Variants in CLIC5 observed in about 807,000 individuals in gnomAD.
CLIC5 encodes the protein chloride intracellular channel protein 5.
In CLIC5, 20 loss-of-function variants were observed where a neutral mutation model predicts 24.7. The ratio of observed to expected loss-of-function variants is 0.81; its 90% CI spans 0.57 to 1.18. The LOEUF is 1.18. CLIC5 is among the 50% of genes most tolerant of loss of function. CLIC5 has a pLI of 0.00. For missense variants in CLIC5, 341 were observed against 326.1 expected (o/e 1.05, Z -0.35); for synonymous variants, 159 against 135.6 (o/e 1.17, Z -1.20).
At chr6:45,986,919 A>G (rs912083658) in intron 1 of CLIC5, among the ~76,000 whole-genome samples, 6 of 152,212 alleles carry the variant, frequency 3.9e-5, no homozygotes, top group Admixed American at 3.3e-4. Context: ...CTGGGGTCAT[A>G]TTATTTGTAC....
chr6:46,124,955 A>C, the CLIC5 span, among the ~76,000 whole-genome samples: 4 of 152,224 alleles, frequency 2.6e-5, no homozygotes, highest in South Asian at 8.3e-4. Flanking sequence ...GTGGAGGAAT[A>C]GGAACACTTT....
intron 1 of CLIC5, among the ~76,000 whole-genome samples, chr6:46,038,369 C>A (rs762650311): frequency 5.9e-5 from 9 of 152,162 alleles, no homozygotes; most frequent in Non-Finnish European, 1.2e-4. Flanking sequence ...GGTCCTCATG[C>A]CCCATGATCC....
rs368851763 is a variant in CLIC5 at position 46,015,582 on chromosome 6, C to G, written c.-40G>C. ...GGGCTACCGTCCCGGGCCGGGGAGG[C>G]GCCACCTCTGCAGCACCTGGGCCAG... On this transcript the variant is annotated 5_prime_UTR_variant, in exon 1 of 6. Coordinates refer to ENST00000339561, the MANE Select transcript of CLIC5 (RefSeq NM_016929.5). 2.7e-5 allele frequency: 42 copies of G among 1,538,276 alleles called. No homozygotes were observed. Among genetic ancestry groups the G allele is most frequent in the Non-Finnish European group, 3.5e-5 (40 of 1,142,334 alleles).
At chr6:46,087,915 T>C in the CLIC5 span, among the ~76,000 whole-genome samples, 1 of 152,230 alleles carries the variant, frequency 6.6e-6, no homozygotes, top group South Asian at 2.1e-4. Context: ...GCTGCATATT[T>C]GTCATCACTA....
intron 4 of CLIC5, among the ~76,000 whole-genome samples, chr6:45,914,710 T>C (rs1762954668): frequency 6.6e-6 from 1 of 151,834 alleles, no homozygotes; most frequent in South Asian, 2.1e-4. Flanking sequence ...CCCAGCACTT[T>C]GGGAGGCCGA....
chr6:45,930,357 G>C (rs1763684046), intron 4 of CLIC5, among the ~76,000 whole-genome samples: 1 of 152,144 alleles, frequency 6.6e-6, no homozygotes, highest in South Asian at 2.1e-4. Flanking sequence ...GAAGCATTTG[G>C]GGGTAGTTGT....
intron 1 of CLIC5, among the ~76,000 whole-genome samples, chr6:45,957,228 A>T (rs1203002145): frequency 1.3e-5 from 2 of 152,122 alleles, no homozygotes; most frequent in Non-Finnish European, 2.9e-5. Context: ...TCTCAACTAC[A>T]TAAAAAATTC....
At chr6:46,079,887 A>G in exon 1 of CLIC5, 1 of 1,552,062 alleles carries the variant, frequency 6.4e-7, no homozygotes. Flanking sequence ...TGCTGCGCAG[A>G]GTTGCTGGTC....
intron 1 of CLIC5, among the ~76,000 whole-genome samples, chr6:46,043,724 C>T (rs565607361): frequency 6.6e-6 from 1 of 152,306 alleles, no homozygotes; most frequent in South Asian, 2.1e-4. Context: ...TGTCCCTTCA[C>T]TTGTGCTTCA....
intron 6 of CLIC5, among the ~76,000 whole-genome samples, chr6:45,886,404 G>T (rs1762306398): frequency 6.6e-6 from 1 of 152,206 alleles, no homozygotes; most frequent in Admixed American, 6.5e-5. Flanking sequence ...ATCCGCCTAA[G>T]TCACACCTGT....
intron 1 of CLIC5, among the ~76,000 whole-genome samples, chr6:45,955,614 C>G (rs1026749832): frequency 6.6e-5 from 10 of 152,158 alleles, no homozygotes; most frequent in Admixed American, 2.0e-4. Flanking sequence ...TTGAATATCT[C>G]CACTGACCAG....
chr6:45,967,366 CCAGGTCATCACTGAAGTG>C (rs1227199042), intron 1 of CLIC5, among the ~76,000 whole-genome samples: 1 of 152,182 alleles, frequency 6.6e-6, no homozygotes, highest in African/African-American at 2.4e-5. Flanking sequence ...GACATGATGG[CCAGGTCATCACTGAAGTG>C]CAGTAGTAGT....
At position 46,069,973 on chromosome 6, in the gene CLIC5, C is replaced by T. The variant is rs555485461; in HGVS notation, c.540+9730G>A. ...ATACACAGAACTAAAGACAAAAAAA[C>T]GTGATTAACTCAATAGATGCAGAAA... On this transcript the variant is annotated intron_variant, in intron 1 of 5. Coordinates refer to the CLIC5 transcript ENST00000185206. 1.9e-4 allele frequency among the ~76,000 whole-genome samples: 29 copies of T among 152,042 alleles called. No homozygotes were observed. In the South Asian group the frequency reaches 5.0e-3, roughly 26 times the overall value.
At chr6:45,935,234 G>C (rs1360136624) in intron 4 of CLIC5, among the ~76,000 whole-genome samples, 4 of 152,226 alleles carry the variant, frequency 2.6e-5, no homozygotes, top group African/African-American at 9.6e-5. Context: ...AGGTGTCAAA[G>C]AAACCCCTTT....
intron 6 of CLIC5, among the ~76,000 whole-genome samples, chr6:45,885,780 G>A (rs1239155683): frequency 6.6e-6 from 1 of 152,174 alleles, no homozygotes; most frequent in Non-Finnish European, 1.5e-5. Flanking sequence ...TAGGATGTCT[G>A]CAGTAGACTT....
intron 5 of CLIC5, chr6:45,913,656 A>T (rs1581725350): frequency 3.6e-6 from 2 of 557,500 alleles, no homozygotes; most frequent in African/African-American, 1.9e-5. Context: ...TTTGTTATAT[A>T]GGAGAGGATG....
At chr6:46,057,235 G>A (rs775354107) in intron 1 of CLIC5, among the ~76,000 whole-genome samples, 1 of 152,162 alleles carries the variant, frequency 6.6e-6, no homozygotes. Flanking sequence ...AGGGACCCAG[G>A]GGGAGGTAAT....
downstream of CLIC5, among the ~76,000 whole-genome samples, chr6:45,895,807 A>G (rs1441973050): frequency 6.6e-6 from 1 of 152,166 alleles, no homozygotes; most frequent in African/African-American, 2.4e-5. Flanking sequence ...ATGGTGTGAA[A>G]CCAAGCACTG....
chr6:45,985,085 G>A (rs1001030431), intron 1 of CLIC5, among the ~76,000 whole-genome samples: 1 of 152,202 alleles, frequency 6.6e-6, no homozygotes, highest in African/African-American at 2.4e-5. Context: ...CATGCTGGAG[G>A]GAGGGCCTGG....
Sources: gnomAD v4.1 joint callset for allele counts (sites outside exome capture counted in the v4.1 genomes callset) on GRCh38, gnomAD v4.1.1 for gene constraint, MANE v1.5 for transcripts, NCBI Gene and HGNC (gene_info 2026-07-23, HGNC 2026-07-21) for gene names.